DCHS2: variants seen among roughly 807,000 people sequenced by gnomAD.
DCHS2 encodes the protein protocadherin-23.
DCHS2 carries 142 observed loss-of-function variants against 182.4 expected under a neutral mutation model. The observed-to-expected ratio is 0.78, with a 90% CI of 0.68 to 0.89. The LOEUF is 0.89. Ranked by LOEUF, DCHS2 falls within the 40% of genes least tolerant of loss-of-function variation. The pLI, the probability that DCHS2 is intolerant of heterozygous loss-of-function variation, is 0.00. For synonymous variants in DCHS2, 1,740 were observed against 1,663.3 expected (o/e 1.05, Z -1.12); for missense variants, 4,319 against 4,198.6 (o/e 1.03, Z -0.79).
intron 13 of DCHS2, among the ~76,000 whole-genome samples, chr4:154,283,466 AAAAAG>A (rs1734251543): frequency 6.6e-6 from 1 of 152,020 alleles, no homozygotes; most frequent in Non-Finnish European, 1.5e-5. Flanking sequence ...CAAAAAAAAA[AAAAAG>A]ATGTGCAGAT....
chr4:154,361,126 T>C (rs1039712333), intron 3 of DCHS2, among the ~76,000 whole-genome samples: 3 of 152,152 alleles, frequency 2.0e-5, no homozygotes, highest in African/African-American at 7.2e-5. Context: ...CATGCTTCTA[T>C]AGAAAAAGAG....
At chr4:154,323,673 A>C (rs1736169377) in intron 7 of DCHS2, among the ~76,000 whole-genome samples, 1 of 152,232 alleles carries the variant, frequency 6.6e-6, no homozygotes, top group South Asian at 2.1e-4. Flanking sequence ...TCTACGCCTG[A>C]TTCATCTGAT....
intron 1 of DCHS2, among the ~76,000 whole-genome samples, chr4:154,434,395 TTGGG>T (rs1298457849): frequency 6.6e-6 from 1 of 152,062 alleles, no homozygotes; most frequent in Non-Finnish European, 1.5e-5. Flanking sequence ...GCACTATAGT[TTGGG>T]TGAGAGAGTG....
chr4:154,235,997 A>G lies in DCHS2; in HGVS notation c.8655T>C (p.Tyr2885=). Residue 2885 remains tyrosine, a synonymous_variant, in exon 20 of 20, where the codon TAT becomes TAC. Coordinates refer to ENST00000357232, the MANE Select transcript of DCHS2 (RefSeq NM_001358235.2). The part of the protein sequence containing the change: ...EFEPIFTQDQ[Y]FFTLPEKNKD... Reference sequence around the variant, plus strand: ...TATTCTTTTCTGGGAGGGTGAAAAAATACTGATCTTGAGTGAAAATGGGCT... The same window carrying G: ...TATTCTTTTCTGGGAGGGTGAAAAAGTACTGATCTTGAGTGAAAATGGGCT... The G allele has an allele frequency of 6.2e-7, 1 of 1,614,026 alleles. No individual in the cohort carries two copies. The highest frequency in any genetic ancestry group is 8.5e-7 in the Non-Finnish European group (1 of 1,179,950).
At chr4:154,452,602 C>A (rs1734581661) in intron 1 of DCHS2, among the ~76,000 whole-genome samples, 1 of 151,500 alleles carries the variant, frequency 6.6e-6, no homozygotes, top group South Asian at 2.1e-4. Flanking sequence ...CCAGCCTGGG[C>A]AACAAGGCAA....
At chr4:154,274,849 A>G (rs780828622) in intron 13 of DCHS2, among the ~76,000 whole-genome samples, 2 of 151,996 alleles carry the variant, frequency 1.3e-5, no homozygotes, top group African/African-American at 4.8e-5. Context: ...ACTCACTGCT[A>G]TAATACCATA....
intron 1 of DCHS2, among the ~76,000 whole-genome samples, chr4:154,402,892 C>A (rs1732248345): frequency 6.6e-6 from 1 of 152,086 alleles, no homozygotes; most frequent in African/African-American, 2.4e-5. Flanking sequence ...TGTACAAGTC[C>A]TCGTGCATTT....
intron 7 of DCHS2, chr4:154,322,778 C>T (rs1178150953): frequency 3.4e-6 from 1 of 296,686 alleles, no homozygotes; most frequent in Non-Finnish European, 6.2e-6. Context: ...ATCTATTCCC[C>T]ATGTATATAC....
At chr4:154,290,643 A>C (rs922139866) in intron 13 of DCHS2, among the ~76,000 whole-genome samples, 3 of 152,136 alleles carry the variant, frequency 2.0e-5, no homozygotes, top group African/African-American at 7.2e-5. Flanking sequence ...AGACATCTAC[A>C]GTGAACTCAT....
chr4:154,278,242 T>C (rs1174785937), intron 13 of DCHS2, among the ~76,000 whole-genome samples: 1 of 152,060 alleles, frequency 6.6e-6, no homozygotes, highest in East Asian at 1.9e-4. Context: ...CAGAGGGATT[T>C]AACAGAAGAC....
intron 1 of DCHS2, among the ~76,000 whole-genome samples, chr4:154,432,644 A>G (rs1234203099): frequency 6.6e-6 from 1 of 151,962 alleles, no homozygotes; most frequent in Non-Finnish European, 1.5e-5. Context: ...GAGTAATAGA[A>G]TGAAAAAAAA....
chr4:154,481,546 C>T (rs1735920409), intron 1 of DCHS2, among the ~76,000 whole-genome samples: 1 of 152,164 alleles, frequency 6.6e-6, no homozygotes, highest in Non-Finnish European at 1.5e-5. Flanking sequence ...CAAGAGCCAC[C>T]ATGCCCAGCC....
At chr4:154,252,488 G>C (rs958718073) in intron 16 of DCHS2, among the ~76,000 whole-genome samples, 3 of 151,694 alleles carry the variant, frequency 2.0e-5, no homozygotes, top group African/African-American at 4.8e-5. Context: ...AATCCTCCCT[G>C]ACCCTTCCCA....
intron 1 of DCHS2, among the ~76,000 whole-genome samples, chr4:154,450,143 CT>C (rs1241669961): frequency 6.6e-6 from 1 of 152,150 alleles, no homozygotes; most frequent in African/African-American, 2.4e-5. Flanking sequence ...ACAGAGGTTG[CT>C]GAGAATCCAA....
chr4:154,336,174 A>G (rs565655757), intron 3 of DCHS2, among the ~76,000 whole-genome samples: 61 of 152,366 alleles, frequency 4.0e-4, no homozygotes, highest in Admixed American at 1.0e-3. Flanking sequence ...ATGTAAAGAC[A>G]ATGGGGACAA....
intron 13 of DCHS2, among the ~76,000 whole-genome samples, chr4:154,294,652 A>C (rs1174935752): frequency 6.6e-6 from 1 of 152,246 alleles, no homozygotes; most frequent in Non-Finnish European, 1.5e-5. Context: ...ATTTATAAAC[A>C]AAGTACAACA....
chr4:154,234,740 C>A lies in DCHS2; in HGVS notation c.9912G>T (p.Val3304=). The A allele has an allele frequency of 6.2e-7, 1 of 1,613,632 alleles. No individual in the cohort carries two copies. The highest frequency in any genetic ancestry group is 8.5e-7 in the Non-Finnish European group (1 of 1,179,852). The change falls in exon 20 of 20, where the codon GTG becomes GTT. Residue 3304 remains valine, a synonymous_variant. Coordinates refer to ENST00000357232, the MANE Select transcript of DCHS2 (RefSeq NM_001358235.2). The part of the protein sequence containing the change: ...PRMPAVNLGQ[V]PPKHPRSPIP... ...TGGGAGAGCGTGGGTGTTTCGGAGG[C>A]ACCTGCCCCAGGTTTACTGCCGGCA... is the stretch of plus-strand genomic sequence containing the variant.
intron 12 of DCHS2, among the ~76,000 whole-genome samples, chr4:154,300,894 T>A (rs13111533): frequency 0.3 from 45,316 of 151,938 alleles, 8,212 homozygotes; most frequent in Non-Finnish European, 0.41. Flanking sequence ...AAGTGAAGGG[T>A]GTTTAGACCA....
chr4:154,289,626 G>A (rs1472571095), intron 13 of DCHS2, among the ~76,000 whole-genome samples: 2 of 151,654 alleles, frequency 1.3e-5, no homozygotes, highest in Non-Finnish European at 2.9e-5. Context: ...CAGACTAAGA[G>A]ACATCAAAAA....
Sources: allele counts gnomAD v4.1 joint callset (sites outside exome capture counted in the v4.1 genomes callset), GRCh38; gene constraint gnomAD v4.1.1; transcripts MANE v1.5; gene names NCBI Gene and HGNC (gene_info 2026-07-23, HGNC 2026-07-21).